Variants in PDE10A observed in about 807,000 individuals in gnomAD.
The protein encoded by PDE10A is cAMP and cAMP-inhibited cGMP 3',5'-cyclic phosphodiesterase 10A.
Under a neutral mutation model 97.7 loss-of-function variants are expected in PDE10A, and 39 were observed. That is an observed-to-expected ratio of 0.40 (90% CI 0.31 to 0.52). The LOEUF is 0.52. Ranked by LOEUF, PDE10A falls within the 20% of genes least tolerant of loss-of-function variation. PDE10A has a pLI of 0.56. For synonymous variants in PDE10A, 371 were observed against 376.8 expected (o/e 0.98, Z 0.18); for missense variants, 731 against 1,047.8 (o/e 0.70, Z 4.17).
intron 1 of PDE10A, among the ~76,000 whole-genome samples, chr6:165,609,122 ATTTG>A (rs575673501): frequency 0.016 from 2,375 of 152,098 alleles, 54 homozygotes; most frequent in African/African-American, 0.053. Flanking sequence ...ATTAGATCCC[ATTTG>A]TCAATTTTGG....
At chr6:165,483,983 T>A (rs371309968) in intron 2 of PDE10A, among the ~76,000 whole-genome samples, 116 of 152,360 alleles carry the variant, frequency 7.6e-4, no homozygotes, top group African/African-American at 2.7e-3. Flanking sequence ...AAGAAAAAAA[T>A]TTACCTATGG....
chr6:165,937,930 C>G (rs1182857003), intron 1 of PDE10A, among the ~76,000 whole-genome samples: 1 of 152,134 alleles, frequency 6.6e-6, no homozygotes, highest in African/African-American at 2.4e-5. Context: ...ACCAGTCCCC[C>G]CTGTATGAAG....
At chr6:165,965,803 G>C (rs899070232) in intron 1 of PDE10A, among the ~76,000 whole-genome samples, 9 of 152,184 alleles carry the variant, frequency 5.9e-5, no homozygotes, top group Non-Finnish European at 8.8e-5. Flanking sequence ...ATGTAGCTGG[G>C]GCTCTGCCTG....
intron 1 of PDE10A, among the ~76,000 whole-genome samples, chr6:165,839,992 A>ACTCCATCCCCATCCCCATCTCCAC (rs1562762812): frequency 1.2e-3 from 5 of 4,340 alleles, no homozygotes; most frequent in East Asian, 7.4e-3. Flanking sequence ...CCCATCTCCA[A>ACTCCATCCCCATCCCCATCTCCAC]CTCCATCCCA....
intron 1 of PDE10A, among the ~76,000 whole-genome samples, chr6:165,756,149 T>C (rs1004762061): frequency 6.6e-6 from 1 of 152,176 alleles, no homozygotes; most frequent in Non-Finnish European, 1.5e-5. Flanking sequence ...TTGATAAAAA[T>C]TATTTGACAA....
chr6:165,667,615 T>C (rs1342174000), upstream of PDE10A, among the ~76,000 whole-genome samples: 1 of 151,684 alleles, frequency 6.6e-6, no homozygotes, highest in Non-Finnish European at 1.5e-5. Flanking sequence ...ATCCATTCTA[T>C]CTGAGAAAGG....
chr6:165,835,935 G>A (rs67118378), intron 1 of PDE10A, among the ~76,000 whole-genome samples: 9,103 of 152,248 alleles, frequency 0.06, 373 homozygotes, highest in African/African-American at 0.12. Context: ...CTCGCCCCAC[G>A]CTGTCTCCCC....
At chr6:165,872,268 GT>G (rs1781224264) in intron 1 of PDE10A, among the ~76,000 whole-genome samples, 1 of 152,200 alleles carries the variant, frequency 6.6e-6, no homozygotes, top group Non-Finnish European at 1.5e-5. Context: ...CAAATAAAAC[GT>G]TTTTAAGTCA....
chr6:165,712,967 G>A (rs1422786017), intron 1 of PDE10A, among the ~76,000 whole-genome samples: 2 of 152,328 alleles, frequency 1.3e-5, no homozygotes, highest in East Asian at 3.9e-4. Flanking sequence ...AAAATACACT[G>A]TAGATTTTTA....
chr6:165,594,179 A>G (rs1301549916), intron 1 of PDE10A, among the ~76,000 whole-genome samples: 1 of 152,204 alleles, frequency 6.6e-6, no homozygotes, highest in African/African-American at 2.4e-5. Context: ...TGGCTACTAA[A>G]TACCATTTCC....
intron 1 of PDE10A, among the ~76,000 whole-genome samples, chr6:165,654,739 A>C (rs1789849746): frequency 6.6e-6 from 1 of 152,154 alleles, no homozygotes; most frequent in African/African-American, 2.4e-5. Context: ...CACTGGCATC[A>C]GGTATTATCC....
chr6:165,886,104 C>T (rs181833540), intron 1 of PDE10A, among the ~76,000 whole-genome samples: 1 of 152,336 alleles, frequency 6.6e-6, no homozygotes, highest in African/African-American at 2.4e-5. Context: ...TGCCACAAAA[C>T]ATTCTAAAAA....
At chr6:165,833,703 C>A (rs1188438939) in intron 1 of PDE10A, among the ~76,000 whole-genome samples, 2 of 152,244 alleles carry the variant, frequency 1.3e-5, no homozygotes, top group Non-Finnish European at 2.9e-5. Context: ...TCGAGATGTT[C>A]TTGTCCCATT....
intron 3 of PDE10A, among the ~76,000 whole-genome samples, chr6:165,475,504 C>T (rs1397973399): frequency 2.6e-5 from 4 of 152,194 alleles, no homozygotes; most frequent in Non-Finnish European, 5.9e-5. Context: ...GACAATTTGG[C>T]TGGACATACC....
At chr6:165,598,163 A>G (rs1163585353) in intron 1 of PDE10A, among the ~76,000 whole-genome samples, 1 of 152,252 alleles carries the variant, frequency 6.6e-6, no homozygotes, top group Non-Finnish European at 1.5e-5. Flanking sequence ...AGGTTTTACA[A>G]TACCAACATA....
chr6:165,661,965 C>G lies in PDE10A; in HGVS notation c.847G>C (p.Glu283Gln). ...CACTTACTGGGGCTCAGGAAGCACT[C>G]GGTCAGCCTTCGGAAGCAGCTCGCA... ...NNASCFRRLTECFLSPSLTDE... is the reference protein window; with the variant it reads ...NNASCFRRLTQCFLSPSLTDE... The change falls in exon 1 of 22, where the codon GAG becomes CAG. Residue 283 changes from glutamate to glutamine, a missense_variant. This residue lies in a region of PDE10A where 181 missense variants were observed against 159.1 expected (regional missense o/e 1.14). Coordinates refer to ENST00000539869, the MANE Select transcript of PDE10A (RefSeq NM_001385079.1). This position sits in a 1 kb window ranked among gnomAD's most constrained non-coding sequence, Gnocchi z 4.8. 2 of 1,163,324 alleles carry G rather than the reference C, an allele frequency of 1.7e-6. No homozygotes were observed. Among genetic ancestry groups the G allele is most frequent in the Non-Finnish European group, 1.3e-6 (1 of 798,896 alleles). The allele number at this position is 1,163,324 out of a possible 1,614,324, so 72.1% of individuals were successfully genotyped here.
intron 1 of PDE10A, among the ~76,000 whole-genome samples, chr6:165,610,265 C>T: frequency 6.6e-6 from 1 of 152,162 alleles, no homozygotes; most frequent in East Asian, 1.9e-4. Flanking sequence ...GGGAAACGGC[C>T]AGGCCCGGTG....
chr6:165,431,252 GGAGT>G, intron 8 of PDE10A, among the ~76,000 whole-genome samples, 166 bp downstream of exon 8: 1 of 150,804 alleles, frequency 6.6e-6, no homozygotes, highest in South Asian at 2.1e-4. Flanking sequence ...TTTAAGGCAG[GGAGT>G]AAGTAAATAT....
At chr6:165,410,002 T>C (rs1030827761) in intron 13 of PDE10A, among the ~76,000 whole-genome samples, 2 of 152,058 alleles carry the variant, frequency 1.3e-5, no homozygotes, top group African/African-American at 4.8e-5. Context: ...TTAATTTATG[T>C]ATTCTTGAAA....
Sources: gnomAD v4.1 joint callset for allele counts (sites outside exome capture counted in the v4.1 genomes callset) on GRCh38, gnomAD v4.1.1 for gene constraint, gnomAD v4.1.1 regional missense constraint, Gnocchi (gnomAD v3.1) non-coding constraint, MANE v1.5 for transcripts, NCBI Gene and HGNC (gene_info 2026-07-23, HGNC 2026-07-21) for gene names.